CLCN1: variants seen among roughly 807,000 people sequenced by gnomAD.
CLCN1 encodes the protein chloride voltage-gated channel 1, also known as chloride channel protein 1.
A neutral mutation model predicts 114.5 loss-of-function variants in CLCN1; 100 were observed. That is an observed-to-expected ratio of 0.87 (90% CI 0.74 to 1.03). CLCN1 has a LOEUF of 1.03. CLCN1 is among the 50% of genes least tolerant of loss of function. CLCN1 has a pLI of 0.00. For synonymous variants in CLCN1, 485 were observed against 487.1 expected (o/e 1.00, Z 0.06); for missense variants, 1,188 against 1,250.0 (o/e 0.95, Z 0.75).
intron 7 of CLCN1, among the ~76,000 whole-genome samples, chr7:143,327,322 C>T (rs1164797196): frequency 2.0e-5 from 3 of 152,076 alleles, no homozygotes; most frequent in Non-Finnish European, 4.4e-5. Flanking sequence ...AAATGTGTCT[C>T]TAATGCAGCA....
Position 143,351,805 on chromosome 7 carries a change from C to T in CLCN1, c.2807C>T (p.Pro936Leu), listed in dbSNP as rs745496792. Residue 936 changes from proline to leucine, a missense_variant, in exon 23 of 23, where the codon CCA (proline) becomes CTA (leucine). Pro to Leu is a moderately conservative substitution (Grantham distance 98). Coordinates refer to ENST00000343257, the MANE Select transcript of CLCN1 (RefSeq NM_000083.3). ...SPETPVPSPS[P>L]EPPLSLAPGK... The stretch of plus-strand genomic sequence containing the variant: ...GAGACCCCTGTGCCATCTCCTTCCC[C>T]AGAGCCCCCTCTCTCCCTGGCCCCA... The T allele has an allele frequency of 6.2e-7, 1 of 1,614,156 alleles. No homozygotes were observed. Among genetic ancestry groups the T allele is most frequent in the Non-Finnish European group, 8.5e-7 (1 of 1,179,998 alleles).
chr7:143,343,187 C>T (rs192761717), intron 16 of CLCN1, among the ~76,000 whole-genome samples: 12 of 152,308 alleles, frequency 7.9e-5, no homozygotes, highest in African/African-American at 2.9e-4. Flanking sequence ...GCCAACAGCA[C>T]TATAACCCTT....
At position 143,324,212 on chromosome 7, in the gene CLCN1, A is replaced by G. The variant is rs995838212; in HGVS notation, c.775-202A>G. ...TTTCTACCTTCTATTTCATTTTGAC[A>G]CTGTGCTATGAGGTTAATTCCTTTT... On this transcript the variant is annotated intron_variant, in intron 6 of 22. Coordinates refer to ENST00000343257, the MANE Select transcript of CLCN1 (RefSeq NM_000083.3). This position sits in a 1 kb window ranked among gnomAD's most constrained non-coding sequence, Gnocchi z 4.6. Among the ~76,000 whole-genome samples, 3 of 152,036 alleles carry G rather than the reference A, an allele frequency of 2.0e-5. No homozygotes were observed. The highest frequency in any genetic ancestry group is 4.4e-5 in the Non-Finnish European group (3 of 68,008).
chr7:143,317,330 C>A (rs1802315288), intron 1 of CLCN1, among the ~76,000 whole-genome samples: 1 of 148,398 alleles, frequency 6.7e-6, no homozygotes, highest in Non-Finnish European at 1.5e-5. Flanking sequence ...CTCACTGCGA[C>A]CTCCGCCTCC....
At chr7:143,325,581 C>T (rs1030259065) in intron 7 of CLCN1, among the ~76,000 whole-genome samples, 9 of 152,198 alleles carry the variant, frequency 5.9e-5, no homozygotes, top group Non-Finnish European at 1.3e-4. Context: ...TGGATTTTTG[C>T]ACATGTTAAA....
chr7:143,321,425 T>C lies in CLCN1; in HGVS notation c.494T>C (p.Val165Ala). 1 of 1,614,106 alleles carries C rather than the reference T, an allele frequency of 6.2e-7. No homozygotes were observed. Among genetic ancestry groups the C allele is most frequent in the Non-Finnish European group, 8.5e-7 (1 of 1,180,012 alleles). Residue 165 changes from valine to alanine, a missense_variant, in exon 4 of 23, where the codon GTC (valine) becomes GCC (alanine). Coordinates refer to ENST00000343257, the MANE Select transcript of CLCN1 (RefSeq NM_000083.3). The surrounding 1 kb of genome is among the most constrained non-coding windows in gnomAD (Gnocchi z 4.2). ...PSLPLQFLVWVTFPLVLILFS... is the reference protein window; with the variant it reads ...PSLPLQFLVWATFPLVLILFS... ...CTTCCTCTGCAGTTCCTGGTCTGGG[T>C]CACCTTCCCACTAGTCCTCATCCTC...
At chr7:143,330,062 C>T (rs1275616655) in intron 7 of CLCN1, among the ~76,000 whole-genome samples, 1 of 152,196 alleles carries the variant, frequency 6.6e-6, no homozygotes, top group Non-Finnish European at 1.5e-5. Context: ...TTGCCTCACC[C>T]ACCTTTCTTA....
rs572374102 is a variant in CLCN1, at chr7:143,346,387, G to A, written c.2284+136G>A. On this transcript the variant is annotated intron_variant, in intron 18 of 22. Coordinates refer to ENST00000343257, the MANE Select transcript of CLCN1 (RefSeq NM_000083.3). ...AGGCTGGGGGATTGAGGGAGGACAG[G>A]GTTCTTATTCATCAATTCTCCTTGT... is the stretch of plus-strand genomic sequence containing the variant. The A allele has an allele frequency of 1.2e-4, 91 of 748,408 alleles. No homozygotes were observed. The East Asian group carries it at 1.8e-3, about 15-fold the overall frequency. The allele number at this position is 748,408 out of a possible 1,614,324, so 46.4% of individuals were successfully genotyped here.
chr7:143,317,455 G>T (rs1467491897), intron 1 of CLCN1, among the ~76,000 whole-genome samples: 1 of 152,042 alleles, frequency 6.6e-6, no homozygotes, highest in Non-Finnish European at 1.5e-5. Flanking sequence ...TGCCATGTTG[G>T]CCAGGCTGTC....
In CLCN1 at chr7:143,342,452, G is replaced by T; in HGVS notation, c.1877G>T (p.Arg626Leu). ...VSASYTYGEL[R>L]TLLQTTTVKT... ...GCTTCTTACACATATGGGGAGTTGC[G>T]AACCCTGCTCCAGACCACCACAGTC... Residue 626 changes from arginine to leucine, a missense_variant, in exon 16 of 23, where the codon CGA (arginine) becomes CTA (leucine). Transcript: ENST00000343257. 1 of 1,613,934 alleles carries T rather than the reference G, an allele frequency of 6.2e-7. No homozygotes were observed. The highest frequency in any genetic ancestry group is 8.5e-7 in the Non-Finnish European group (1 of 1,180,026).
intron 2 of CLCN1, among the ~76,000 whole-genome samples, 193 bp from the exon 3 acceptor site, chr7:143,320,471 C>G (rs1464162363): frequency 6.6e-6 from 1 of 152,230 alleles, no homozygotes; most frequent in African/African-American, 2.4e-5. Context: ...GTGCATAAGA[C>G]ATACGGACCC....
chr7:143,332,772 G>A lies in CLCN1; in HGVS notation c.1300G>A (p.Val434Met). Reference protein sequence around the residue: ...ISTLFDNNTWVKHAGDPESLG... With the variant: ...ISTLFDNNTWMKHAGDPESLG... Reference sequence around the variant, plus strand: ...TACTTTGTTTGACAACAATACATGGGTGAAACACGCGGGTGATCCTGAGAG... The same window carrying A: ...TACTTTGTTTGACAACAATACATGGATGAAACACGCGGGTGATCCTGAGAG... The change falls in exon 12 of 23, where the codon GTG (valine) becomes ATG (methionine). Residue 434 changes from valine (V) to methionine (M), a missense_variant. Val to Met is a conservative substitution (Grantham distance 21). Coordinates refer to ENST00000343257, the MANE Select transcript of CLCN1 (RefSeq NM_000083.3). The A allele has an allele frequency of 1.2e-6, 2 of 1,614,202 alleles. No individual in the cohort carries two copies. Among genetic ancestry groups the A allele is most frequent in the Non-Finnish European group, 8.5e-7 (1 of 1,180,036 alleles).
At chr7:143,346,687 G>C (rs375462792) in intron 19 of CLCN1, 29 bp downstream of exon 19, 1 of 1,570,358 alleles carries the variant, frequency 6.4e-7, no homozygotes, top group Admixed American at 1.7e-5. Flanking sequence ...GGGGATACAG[G>C]GGAAAGGGAG....
At chr7:143,349,696 C>T (rs1264286917) in intron 20 of CLCN1, among the ~76,000 whole-genome samples, 1 of 152,206 alleles carries the variant, frequency 6.6e-6, no homozygotes, top group Non-Finnish European at 1.5e-5. Flanking sequence ...TCAATTTCAA[C>T]AAGTACCCAC....
Position 143,324,312 on chromosome 7 carries a change from G to A in CLCN1, c.775-102G>A, listed in dbSNP as rs112725916. On this transcript the variant is annotated intron_variant, in intron 6 of 22. Coordinates refer to ENST00000343257, the MANE Select transcript of CLCN1 (RefSeq NM_000083.3). The surrounding 1 kb of genome is among the most constrained non-coding windows in gnomAD (Gnocchi z 4.6). The stretch of plus-strand genomic sequence containing the variant: ...GACCACAAGGACTCCTTTTGACTTA[G>A]GCCTCTCATTCTGCCTTATTCCCCA... 42 of 839,600 alleles carry A rather than the reference G, an allele frequency of 5.0e-5. No homozygotes were observed. In the African/African-American group the frequency reaches 5.6e-4, roughly 11 times the overall value. The allele number at this position is 839,600 out of a possible 1,614,324, so 52.0% of individuals were successfully genotyped here. A position where few individuals can be genotyped will look rare whatever the true frequency, so the allele number is the denominator to read the frequency against.
intron 1 of CLCN1, among the ~76,000 whole-genome samples, chr7:143,317,244 C>CTTTTTTT (rs1207676166): frequency 4.4e-5 from 5 of 113,784 alleles, no homozygotes; most frequent in African/African-American, 1.1e-4. Flanking sequence ...TTGGCCAGAA[C>CTTTTTTT]TTTTTTTTTT....
At chr7:143,344,751 G>GTTT (rs11370140) in intron 16 of CLCN1, among the ~76,000 whole-genome samples, 2,245 of 131,260 alleles carry the variant, frequency 0.017, 86 homozygotes, top group African/African-American at 0.062. Context: ...TCCTAGCAGG[G>GTTT]TTTTTTTTTT....
In CLCN1 at chr7:143,332,803, G is replaced by A. The variant is rs751455475; in HGVS notation, c.1331G>A (p.Gly444Asp). 15 of 1,614,142 alleles carry A rather than the reference G, an allele frequency of 9.3e-6. No individual in the cohort carries two copies. Among genetic ancestry groups the A allele is most frequent in the Non-Finnish European group, 1.3e-5 (15 of 1,180,020 alleles). The change falls in exon 12 of 23, where the codon GGC becomes GAC. Residue 444 changes from glycine (G) to aspartate (D), a missense_variant. Gly to Asp is a moderately conservative substitution (Grantham distance 94, BLOSUM62 -1). Coordinates refer to ENST00000343257, the MANE Select transcript of CLCN1 (RefSeq NM_000083.3). ...VKHAGDPESL[G>D]QSAVWIHPRV... ...CACGCGGGTGATCCTGAGAGCCTGG[G>A]CCAGTCAGCTGTGTGGATTCACCCC...
chr7:143,316,496 AT>A, intron 1 of CLCN1, 104 bp downstream of exon 1: 9 of 1,086,910 alleles, frequency 8.3e-6, no homozygotes, highest in East Asian at 2.4e-5. Flanking sequence ...GCAGTGTTAC[AT>A]TTTTTTAACT....
Sources: gnomAD v4.1 joint callset for allele counts (sites outside exome capture counted in the v4.1 genomes callset) on GRCh38, gnomAD v4.1.1 for gene constraint, Gnocchi (gnomAD v3.1) non-coding constraint, MANE v1.5 for transcripts, NCBI Gene and HGNC (gene_info 2026-07-23, HGNC 2026-07-21) for gene names.